The following EGFLAM variants were observed in gnomAD, a reference collection of about 807,000 sequenced individuals.
EGFLAM encodes the protein pikachurin.
Under a neutral mutation model 113.1 loss-of-function variants are expected in EGFLAM, and 79 were observed. That is an observed-to-expected ratio of 0.70 (90% confidence interval 0.58 to 0.84). EGFLAM has a LOEUF of 0.84. Ranked by LOEUF, EGFLAM falls within the 40% of genes least tolerant of loss-of-function variation. The pLI, the probability that EGFLAM is intolerant of heterozygous loss-of-function variation, is 0.00. For synonymous variants in EGFLAM, 504 were observed against 487.6 expected (o/e 1.03, Z -0.44); for missense variants, 1,265 against 1,291.6 (o/e 0.98, Z 0.32).
chr5:38,260,379 T>C (rs1412508633), intron 1 of EGFLAM, among the ~76,000 whole-genome samples: 1 of 152,230 alleles, frequency 6.6e-6, no homozygotes, highest in Non-Finnish European at 1.5e-5. Flanking sequence ...TTTTAATCCA[T>C]TTAAGGGGAA....
At chr5:38,365,482 G>T (rs1740035776) in intron 5 of EGFLAM, among the ~76,000 whole-genome samples, 1 of 152,108 alleles carries the variant, frequency 6.6e-6, no homozygotes, top group African/African-American at 2.4e-5. Flanking sequence ...TCCTCTCAGG[G>T]GCTAATGACA....
At chr5:38,285,757 A>C (rs1290794612) in intron 1 of EGFLAM, 1 of 152,468 alleles carries the variant, frequency 6.6e-6, no homozygotes, top group Non-Finnish European at 1.5e-5. Context: ...CACCTGCTTC[A>C]CAAGGCAGCA....
chr5:38,418,297 T>TA (rs781545323), intron 12 of EGFLAM, 42 bp downstream of exon 12: 74 of 1,602,848 alleles, frequency 4.6e-5, no homozygotes, highest in Non-Finnish European at 6.0e-5. Context: ...TTATGGGACT[T>TA]ATGTCTTATG....
chr5:38,406,415 A>G lies in EGFLAM; in HGVS notation c.828+174A>G, dbSNP rs72740351. On this transcript the variant is annotated intron_variant, in intron 7 of 21. Transcript: ENST00000322350. Reference sequence around the variant, plus strand: ...CTCCAGGTGCTGATAAATCAGTAGTAGGGAAGTACTAGCCATCCTGATGTT... The same window carrying G: ...CTCCAGGTGCTGATAAATCAGTAGTGGGGAAGTACTAGCCATCCTGATGTT... 3.5e-3 allele frequency among the ~76,000 whole-genome samples: 534 copies of G among 152,336 alleles called. 4 individuals carry two copies. The highest frequency in any genetic ancestry group is 9.3e-3 in the South Asian group (45 of 4,828).
chr5:38,377,134 T>A (rs1740388160), intron 6 of EGFLAM, among the ~76,000 whole-genome samples: 1 of 152,002 alleles, frequency 6.6e-6, no homozygotes, highest in Non-Finnish European at 1.5e-5. Flanking sequence ...TCTCTTTTTT[T>A]TTTTTGAGAC....
At chr5:38,457,681 G>A (rs551150185) in intron 19 of EGFLAM, among the ~76,000 whole-genome samples, 5 of 152,246 alleles carry the variant, frequency 3.3e-5, no homozygotes, top group East Asian at 1.9e-4. Context: ...TGAATTTGGC[G>A]GGTGGAGGGA....
At chr5:38,436,107 C>T (rs1579929119) in intron 16 of EGFLAM, among the ~76,000 whole-genome samples, 2 of 152,230 alleles carry the variant, frequency 1.3e-5, no homozygotes, top group East Asian at 3.9e-4. Flanking sequence ...TGAGCCACTG[C>T]TTCTGGCCTG....
chr5:38,391,198 T>C (rs1020837929), intron 6 of EGFLAM, among the ~76,000 whole-genome samples: 1 of 152,202 alleles, frequency 6.6e-6, no homozygotes, highest in Non-Finnish European at 1.5e-5. Flanking sequence ...TTTCCCCATA[T>C]AGATAACCAG....
chr5:38,461,040 T>A (rs1019086155), intron 20 of EGFLAM: 2 of 152,228 alleles, frequency 1.3e-5, no homozygotes, highest in African/African-American at 4.8e-5. Context: ...ATAAAAATGA[T>A]AATGATATTG....
At chr5:38,281,097 G>A (rs1758000906) in intron 1 of EGFLAM, among the ~76,000 whole-genome samples, 2 of 152,150 alleles carry the variant, frequency 1.3e-5, no homozygotes, top group African/African-American at 4.8e-5. Flanking sequence ...CTCAATAGAA[G>A]TTCTATGAAT....
intron 1 of EGFLAM, among the ~76,000 whole-genome samples, chr5:38,336,143 A>G (rs1409311989): frequency 1.3e-5 from 2 of 152,342 alleles, no homozygotes; most frequent in East Asian, 3.9e-4. Flanking sequence ...AAAAATTTAC[A>G]GCCGTTAAAA....
intron 16 of EGFLAM, among the ~76,000 whole-genome samples, chr5:38,435,870 C>A (rs533959283): frequency 1.1e-4 from 14 of 133,152 alleles, no homozygotes; most frequent in Non-Finnish European, 2.0e-4. Context: ...CAGGCTGTAG[C>A]GCAGTGGCGT....
At chr5:38,408,028 A>G (rs1170151264) in intron 9 of EGFLAM, 123 bp downstream of exon 9, 1 of 678,698 alleles carries the variant, frequency 1.5e-6, no homozygotes, top group Non-Finnish European at 2.6e-6. Context: ...TAAATATGAC[A>G]CAGAGCCTGT....
intron 10 of EGFLAM, among the ~76,000 whole-genome samples, chr5:38,409,824 C>A (rs1741419172): frequency 6.6e-6 from 1 of 152,306 alleles, no homozygotes; most frequent in South Asian, 2.1e-4. Context: ...TCTCCCCCAA[C>A]ACACTTTGGA....
chr5:38,362,358 G>T (rs1340839736), intron 5 of EGFLAM, among the ~76,000 whole-genome samples: 1 of 152,130 alleles, frequency 6.6e-6, no homozygotes, highest in Non-Finnish European at 1.5e-5. Context: ...CATTTTACTG[G>T]AATATATAGC....
chr5:38,399,277 G>GTTTT (rs797021726), intron 6 of EGFLAM, among the ~76,000 whole-genome samples: 56 of 118,476 alleles, frequency 4.7e-4, no homozygotes, highest in African/African-American at 1.7e-3. Context: ...TTTTGTTTTC[G>GTTTT]TTTTTTTTTT....
At chr5:38,398,591 C>T (rs1185926352) in intron 6 of EGFLAM, among the ~76,000 whole-genome samples, 1 of 152,148 alleles carries the variant, frequency 6.6e-6, no homozygotes, top group Non-Finnish European at 1.5e-5. Context: ...TAGAGAACAG[C>T]ATTTGCAAAG....
rs897395823 is a variant in EGFLAM, at chr5:38,425,211, C to T, written c.1810+119C>T. The T allele has an allele frequency of 2.8e-6, 4 of 1,439,370 alleles. No individual in the cohort carries two copies. In the African/African-American group the frequency reaches 4.3e-5, roughly 15 times the overall value. The allele number at this position is 1,439,370 out of a possible 1,614,324, so 89.2% of individuals were successfully genotyped here. A position where few individuals can be genotyped will look rare whatever the true frequency, so the allele number is the denominator to read the frequency against. On this transcript the variant is annotated intron_variant, in intron 13 of 21. Transcript: ENST00000322350. ...TGTTTGTTTTTGAGACAAAGGCTCC[C>T]TCTCTTACCCAGGCCGGAGTGCAGT...
intron 5 of EGFLAM, among the ~76,000 whole-genome samples, chr5:38,357,821 A>G (rs1175883110): frequency 1.3e-5 from 2 of 151,716 alleles, no homozygotes; most frequent in Non-Finnish European, 2.9e-5. Flanking sequence ...CAATGGAGAT[A>G]AAGATTTCAA....
Sources: allele counts gnomAD v4.1 joint callset (sites outside exome capture counted in the v4.1 genomes callset), GRCh38; gene constraint gnomAD v4.1.1; transcripts MANE v1.5; gene names NCBI Gene and HGNC (gene_info 2026-07-23, HGNC 2026-07-21).